Variants in DDX21 observed in about 807,000 individuals in gnomAD.
The protein encoded by DDX21 is nucleolar RNA helicase 2.
Under a neutral mutation model 90.0 loss-of-function variants are expected in DDX21, and 18 were observed. That is an observed-to-expected ratio of 0.20 (90% CI 0.14 to 0.30). The LOEUF (loss-of-function observed/expected upper bound fraction) is 0.30. DDX21 is among the 10% of genes least tolerant of loss of function. DDX21 has a pLI of 1.00. For synonymous variants in DDX21, 294 were observed against 318.0 expected, an observed-to-expected ratio of 0.92 and a Z score of 0.80; for missense variants, 673 against 944.5, an observed-to-expected ratio of 0.71 and a Z score of 3.77.
intron 8 of DDX21, among the ~76,000 whole-genome samples, chr10:68,970,692 G>A (rs1012779570): frequency 2.0e-5 from 3 of 151,466 alleles, no homozygotes; most frequent in South Asian, 2.1e-4. Flanking sequence ...TCGCTTCTTC[G>A]CCCAGGCTGG....
In DDX21 at chr10:68,983,133, C is replaced by T. The variant is rs1178493295; in HGVS notation, c.*321C>T. 1.9e-5 allele frequency: 6 copies of T among 319,610 alleles called. No individual in the cohort carries two copies. Among genetic ancestry groups the T allele is most frequent in the Non-Finnish European group, 3.0e-5 (5 of 168,130 alleles). 19.8% of individuals were successfully genotyped at this position (319,610 alleles called of 1,614,324 possible). On this transcript the variant is annotated 3_prime_UTR_variant, in exon 15 of 15. Coordinates refer to ENST00000354185, the MANE Select transcript of DDX21 (RefSeq NM_004728.4). ...GCCTATACTTTGTGAGTTCACCTGT[C>T]TTTATACTCAAAAGTGTCCCTTAAT...
chr10:68,981,280 T>G (rs904321778), intron 13 of DDX21, among the ~76,000 whole-genome samples: 1 of 152,204 alleles, frequency 6.6e-6, no homozygotes, highest in Non-Finnish European at 1.5e-5. Context: ...CACAGTGTAA[T>G]AGCTAAGACT....
intron 5 of DDX21, among the ~76,000 whole-genome samples, chr10:68,966,237 C>T (rs554025685): frequency 7.3e-5 from 11 of 151,340 alleles, no homozygotes; most frequent in South Asian, 6.3e-4. Flanking sequence ...CTCCCACGCC[C>T]GGCTAATTTT....
intron 4 of DDX21, 135 bp from the exon 5 acceptor site, chr10:68,965,242 T>C (rs1842924428): frequency 1.7e-6 from 1 of 598,312 alleles, no homozygotes; most frequent in East Asian, 2.9e-5. Context: ...GACAAAAATA[T>C]TAGATAATGT....
Position 68,968,976 on chromosome 10 carries a change from A to G in DDX21, c.1091A>G (p.Asp364Gly), listed in dbSNP as rs765856403. 1.1e-5 allele frequency: 17 copies of G among 1,611,898 alleles called. No individual in the cohort carries two copies. The highest frequency in any genetic ancestry group is 1.7e-5 in the Admixed American group (1 of 59,270). The change falls in exon 7 of 15, where the codon GAT (aspartate) becomes GGT (glycine). Residue 364 changes from aspartate to glycine, a missense_variant and splice_region_variant. This residue lies in a region of DDX21 where 218 missense variants were observed against 347.3 expected (regional missense o/e 0.63). Transcript: ENST00000354185. ...EEILSVAYKKDSEDNPQTLLF... is the reference protein window; with the variant it reads ...EEILSVAYKKGSEDNPQTLLF... ...ACTTTTTTTTTCCCCCTCCTCAAAG[A>G]TTCTGAAGACAATCCCCAAACATTG...
At chr10:68,974,583 C>A in intron 10 of DDX21, 87 bp from the exon 11 acceptor site, 1 of 1,002,972 alleles carries the variant, frequency 1.0e-6, no homozygotes, top group Non-Finnish European at 1.5e-6. Context: ...ATACATTTGG[C>A]CTATATTAAA....
chr10:68,964,781 G>A (rs1181017742), intron 4 of DDX21, among the ~76,000 whole-genome samples: 3 of 147,362 alleles, frequency 2.0e-5, no homozygotes, highest in Non-Finnish European at 4.4e-5. Context: ...AACATCCCAA[G>A]TAGTTGGGAT....
In DDX21 at chr10:68,960,195, G is replaced by A. The variant is rs756366495; in HGVS notation, c.477G>A (p.Pro159=). The A allele has an allele frequency of 1.5e-5, 24 of 1,611,524 alleles. No homozygotes were observed. Among genetic ancestry groups the A allele is most frequent in the African/African-American group, 2.7e-5 (2 of 74,646 alleles). The change falls in exon 2 of 15, where the codon CCG becomes CCA. Residue 159 remains proline, a synonymous_variant. Transcript: ENST00000354185. The part of the protein sequence containing the change: ...KLKNGFPHPE[P]DCNPSEAASE... ...AGAATGGATTTCCTCATCCTGAACC[G>A]GACTGTAACCCCAGTGAAGCTGCCA...
chr10:68,967,114 A>G lies in DDX21; in HGVS notation c.1001A>G (p.Lys334Arg). Residue 334 changes from lysine to arginine, a missense_variant, in exon 6 of 15, where the codon AAG (lysine) becomes AGG (arginine). By Grantham distance (26) the Lys-to-Arg change is conservative (BLOSUM62 2). Transcript: ENST00000354185. ...QNGKLDLTKL[K>R]HVVLDEVDQM... ...GGCAAACTAGATCTCACCAAACTTA[A>G]GCATGTTGTCCTGGATGAAGTGGAC... The G allele has an allele frequency of 6.2e-7, 1 of 1,612,580 alleles. No individual in the cohort carries two copies. The highest frequency in any genetic ancestry group is 8.5e-7 in the Non-Finnish European group (1 of 1,179,580).
intron 11 of DDX21, among the ~76,000 whole-genome samples, chr10:68,975,704 G>A (rs1843088277): frequency 6.6e-6 from 1 of 151,916 alleles, no homozygotes; most frequent in East Asian, 1.9e-4. Context: ...TTGGGAGGCT[G>A]GGGTAGGCGG....
intron 14 of DDX21, among the ~76,000 whole-genome samples, chr10:68,981,897 A>T (rs1049475864): frequency 2.6e-5 from 4 of 152,008 alleles, no homozygotes; most frequent in African/African-American, 9.7e-5. Context: ...GTTTTCAGAC[A>T]GAGTCTCGCT....
intron 1 of DDX21, among the ~76,000 whole-genome samples, chr10:68,957,086 A>C (rs1317185457): frequency 6.6e-6 from 1 of 151,490 alleles, no homozygotes; most frequent in Non-Finnish European, 1.5e-5. Context: ...AGTAGACTGG[A>C]GAGGTCTTAA....
At chr10:68,981,438 GTTTT>G (rs1253379173) in intron 13 of DDX21, 95 bp from the exon 14 acceptor site, 1 of 1,153,162 alleles carries the variant, frequency 8.7e-7, no homozygotes, top group Non-Finnish European at 1.3e-6. Context: ...TTTGCTTTAT[GTTTT>G]TTGTTTTCTT....
intron 14 of DDX21, among the ~76,000 whole-genome samples, chr10:68,982,044 T>C (rs979634853): frequency 2.6e-5 from 4 of 152,198 alleles, no homozygotes; most frequent in African/African-American, 7.2e-5. Flanking sequence ...GCTAATTTTT[T>C]GTATTTTTAG....
Position 68,977,694 on chromosome 10 carries a change from G to A in DDX21, c.1902+6G>A. 1 of 1,605,568 alleles carries A rather than the reference G, an allele frequency of 6.2e-7. No individual in the cohort carries two copies. Among genetic ancestry groups the A allele is most frequent in the African/African-American group, 1.3e-5 (1 of 74,852 alleles). ...CCTTGATCAACTCAAATGTGGTAAG[G>A]TTCTGCAGCACATTCCTGACACTTC... is the stretch of plus-strand genomic sequence containing the variant. On this transcript the variant is annotated splice_donor_region_variant and intron_variant, in intron 12 of 14. Coordinates refer to ENST00000354185, the MANE Select transcript of DDX21 (RefSeq NM_004728.4).
At chr10:68,973,511 G>A (rs776743193) in intron 9 of DDX21, 34 bp from the exon 10 acceptor site, 1 of 1,612,526 alleles carries the variant, frequency 6.2e-7, no homozygotes, top group Non-Finnish European at 8.5e-7. Context: ...TCTCTTTTTT[G>A]GTTTAGTGTT....
chr10:68,961,976 T>G, intron 2 of DDX21, 106 bp from the exon 3 acceptor site: 1 of 850,224 alleles, frequency 1.2e-6, no homozygotes, highest in South Asian at 1.7e-5. Context: ...GTGATGTGTT[T>G]AGAAGAATTG....
At chr10:68,961,474 A>G (rs1199028895) in intron 2 of DDX21, among the ~76,000 whole-genome samples, 1 of 152,184 alleles carries the variant, frequency 6.6e-6, no homozygotes, top group Non-Finnish European at 1.5e-5. Flanking sequence ...TACTTTTAGT[A>G]TATGCATCTA....
chr10:68,966,996 A>G, intron 5 of DDX21, 22 bp from the exon 6 acceptor site: 2 of 1,600,778 alleles, frequency 1.2e-6, no homozygotes, highest in Middle Eastern at 1.7e-4. Flanking sequence ...AACCCAGCAA[A>G]TCTTGTCATT....
Sources: allele counts gnomAD v4.1 joint callset (sites outside exome capture counted in the v4.1 genomes callset), GRCh38; gene constraint gnomAD v4.1.1; regional missense constraint gnomAD v4.1.1; transcripts MANE v1.5; gene names NCBI Gene and HGNC (gene_info 2026-07-23, HGNC 2026-07-21).